Variants in TMED5 observed in about 807,000 individuals in gnomAD.
The protein encoded by TMED5 is transmembrane p24 trafficking protein 5.
Under a neutral mutation model 23.0 loss-of-function variants are expected in TMED5, and 27 were observed. The observed-to-expected ratio is 1.17, with a 90% CI of 0.86 to 1.62. TMED5 has a LOEUF of 1.62. TMED5 is among the 40% of genes most tolerant of loss of function. The probability of loss-of-function intolerance (pLI) is 0.00; values close to 1 mark genes in which losing one functional copy is unlikely to be tolerated. For missense variants in TMED5, 248 were observed against 273.7 expected (o/e 0.91, Z 0.66); for synonymous variants, 97 against 100.8 (o/e 0.96, Z 0.23).
At chr1:93,171,458 T>C (rs932737238) in intron 1 of TMED5, among the ~76,000 whole-genome samples, 2 of 152,156 alleles carry the variant, frequency 1.3e-5, no homozygotes, top group African/African-American at 4.8e-5. Flanking sequence ...ATTTGAAAAC[T>C]TAGATGAAAC....
At chr1:93,162,063 G>C (rs1208457978) in intron 1 of TMED5, 2 of 145,626 alleles carry the variant, frequency 1.4e-5, no homozygotes, top group Non-Finnish European at 3.0e-5. Context: ...ATTTTAAAAA[G>C]AATCTATTTG....
At chr1:93,165,099 A>G (rs1648446505) in intron 1 of TMED5, among the ~76,000 whole-genome samples, 1 of 152,216 alleles carries the variant, frequency 6.6e-6, no homozygotes, top group South Asian at 2.1e-4. Context: ...CCTGTCAACA[A>G]CCATGAGTGA....
rs542843485 is a variant in TMED5 at position 93,151,617 on chromosome 1, C to T, written c.*3053G>A. 1 of 152,216 alleles carries T rather than the reference C, an allele frequency of 6.6e-6. No homozygotes were observed. The highest frequency in any genetic ancestry group is 2.1e-4 in the South Asian group (1 of 4,816). The allele number at this position is 152,216 out of a possible 1,614,324, so 9.4% of individuals were successfully genotyped here. On this transcript the variant is annotated 3_prime_UTR_variant, in exon 4 of 4. Transcript: ENST00000370282. ...CAAACTTTAAGAACTGATTATCTTT[C>T]CTTTCATATATTTTGAGCAAAAACT...
At position 93,156,122 on chromosome 1, in the gene TMED5, T is replaced by C. The variant is rs746352700; in HGVS notation, c.471+178A>G. The C allele has an allele frequency of 3.3e-6, 4 of 1,208,634 alleles. No individual in the cohort carries two copies. In the African/African-American group the frequency reaches 6.2e-5, roughly 19 times the overall value. The allele number at this position is 1,208,634 out of a possible 1,614,324, so 74.9% of individuals were successfully genotyped here. On this transcript the variant is annotated intron_variant, in intron 3 of 3. Transcript: ENST00000370282. ...TTATTTGAAAACTATAAAAGGGCTA[T>C]ATTAATATAAAATAAAATTAAGCTG...
chr1:93,168,610 C>T (rs1358087006), intron 1 of TMED5, among the ~76,000 whole-genome samples: 17 of 151,776 alleles, frequency 1.1e-4, no homozygotes, highest in Admixed American at 7.2e-4. Context: ...CTGAGGCAGG[C>T]GGATCACGAG....
rs553552965 is a variant in TMED5 at position 93,152,908 on chromosome 1, T to C, written c.*1762A>G. 1 of 152,608 alleles carries C rather than the reference T, an allele frequency of 6.6e-6. No individual in the cohort carries two copies. Among genetic ancestry groups the C allele is most frequent in the Non-Finnish European group, 1.5e-5 (1 of 67,964 alleles). 9.5% of individuals were successfully genotyped at this position (152,608 alleles called of 1,614,324 possible). ...GCATTTTCTTGGCCAATTAAGGTAA[T>C]TGATCATATACGGCATTTACCTCAT... On this transcript the variant is annotated 3_prime_UTR_variant, in exon 4 of 4. Coordinates refer to ENST00000370282, the MANE Select transcript of TMED5 (RefSeq NM_016040.5).
intron 1 of TMED5, among the ~76,000 whole-genome samples, chr1:93,164,094 A>G (rs11807404): frequency 0.082 from 12,455 of 152,190 alleles, 1,662 homozygotes; most frequent in African/African-American, 0.28. Context: ...AAACATAGAC[A>G]TTAATTTTGA....
At position 93,151,098 on chromosome 1, in the gene TMED5, CCT is replaced by C. The variant is rs1398887919; in HGVS notation, c.*3570_*3571del. The C allele has an allele frequency of 2.6e-5, 4 of 152,242 alleles. No individual in the cohort carries two copies. The highest frequency in any genetic ancestry group is 4.4e-5 in the Non-Finnish European group (3 of 68,030). 9.4% of individuals were successfully genotyped at this position (152,242 alleles called of 1,614,324 possible). A position where few individuals can be genotyped will look rare whatever the true frequency, so the allele number is the denominator to read the frequency against. ...GATCCAGAGTCCATCTCCATTGTGCCCTGTCTTATGTAACATCATCCTAGCTC... is the reference window on the plus strand; with the variant it reads ...GATCCAGAGTCCATCTCCATTGTGCCGTCTTATGTAACATCATCCTAGCTC... On this transcript the variant is annotated 3_prime_UTR_variant, in exon 4 of 4. Coordinates refer to ENST00000370282, the MANE Select transcript of TMED5 (RefSeq NM_016040.5).
intron 1 of TMED5, among the ~76,000 whole-genome samples, chr1:93,169,083 C>T (rs1648607718): frequency 6.6e-6 from 1 of 152,150 alleles, no homozygotes; most frequent in Admixed American, 6.5e-5. Flanking sequence ...TGAACAGCAC[C>T]ATCAATCAAA....
intron 1 of TMED5, among the ~76,000 whole-genome samples, chr1:93,172,277 C>T (rs1648754940): frequency 6.6e-6 from 1 of 152,044 alleles, no homozygotes; most frequent in South Asian, 2.1e-4. Context: ...ATAAAACTGT[C>T]CTTGTGATAG....
intron 1 of TMED5, among the ~76,000 whole-genome samples, chr1:93,170,276 G>A (rs1161496112): frequency 1.3e-5 from 2 of 152,198 alleles, no homozygotes; most frequent in Non-Finnish European, 2.9e-5. Flanking sequence ...AGGGAGAGGC[G>A]CGGGTGGGAA....
chr1:93,163,286 G>A (rs944010581), intron 1 of TMED5: 1 of 150,608 alleles, frequency 6.6e-6, no homozygotes, highest in African/African-American at 2.4e-5. Context: ...CAGGCTTAAT[G>A]AAATTGTGAA....
chr1:93,178,090 C>T (rs1387265751), intron 1 of TMED5, among the ~76,000 whole-genome samples: 1 of 152,182 alleles, frequency 6.6e-6, no homozygotes, highest in Non-Finnish European at 1.5e-5. Flanking sequence ...ATTTTCCACA[C>T]TGCATCCAGT....
Position 93,154,794 on chromosome 1 carries a change from T to G in TMED5, c.566A>C (p.Glu189Ala). The G allele has an allele frequency of 6.2e-7, 1 of 1,614,152 alleles. No individual in the cohort carries two copies. The highest frequency in any genetic ancestry group is 8.5e-7 in the Non-Finnish European group (1 of 1,180,010). Residue 189 changes from glutamate (E) to alanine (A), a missense_variant, in exon 4 of 4, where the codon GAA becomes GCA. Physicochemically the swap from Glu to Ala is moderately radical, Grantham distance 107 (BLOSUM62 -1). Transcript: ENST00000370282. ...AFEARDRNIQ[E>A]SNFDRVNFWS... ...GAAATTGACTCTATCAAAGTTGCTT[T>G]CTTGTATGTTTCGATCACGAGCTTC...
intron 3 of TMED5, 185 bp downstream of exon 3, chr1:93,156,115 A>G: frequency 8.0e-7 from 1 of 1,247,370 alleles, no homozygotes; most frequent in Non-Finnish European, 1.1e-6. Context: ...AAACTATAAA[A>G]GGGCTATATT....
rs374675763 is a variant in TMED5 at position 93,151,950 on chromosome 1, T to A, written c.*2720A>T. 1 of 152,560 alleles carries A rather than the reference T, an allele frequency of 6.6e-6. No individual in the cohort carries two copies. Among genetic ancestry groups the A allele is most frequent in the African/African-American group, 2.4e-5 (1 of 41,528 alleles). 9.5% of individuals were successfully genotyped at this position (152,560 alleles called of 1,614,324 possible). On this transcript the variant is annotated 3_prime_UTR_variant, in exon 4 of 4. Coordinates refer to ENST00000370282, the MANE Select transcript of TMED5 (RefSeq NM_016040.5). Reference sequence around the variant, plus strand: ...TATAAAGCAGTTTGAGCAACACTGATTGTGCATTATTGTACTTCAGATGAA... The same window carrying A: ...TATAAAGCAGTTTGAGCAACACTGAATGTGCATTATTGTACTTCAGATGAA...
In TMED5 at chr1:93,153,495, A is replaced by G. The variant is rs1264477154; in HGVS notation, c.*1175T>C. 6.6e-6 allele frequency: 1 copy of G among 152,152 alleles called. No homozygotes were observed. The highest frequency in any genetic ancestry group is 1.5e-5 in the Non-Finnish European group (1 of 67,994). The allele number at this position is 152,152 out of a possible 1,614,324, so 9.4% of individuals were successfully genotyped here. On this transcript the variant is annotated 3_prime_UTR_variant, in exon 4 of 4. Transcript: ENST00000370282. ...TCAAACCAGAATTCTTGTAGAAAATAAAAACCTACAGCCAAAGTTTCTTCC... is the reference window on the plus strand; with the variant it reads ...TCAAACCAGAATTCTTGTAGAAAATGAAAACCTACAGCCAAAGTTTCTTCC...
Position 93,180,323 on chromosome 1 carries a change from G to A in TMED5, c.-81C>T. 6.9e-7 allele frequency: 1 copy of A among 1,449,760 alleles called. No homozygotes were observed. Among genetic ancestry groups the A allele is most frequent in the Non-Finnish European group, 9.2e-7 (1 of 1,084,874 alleles). 89.8% of individuals were successfully genotyped at this position (1,449,760 alleles called of 1,614,324 possible). On this transcript the variant is annotated 5_prime_UTR_variant, in exon 1 of 4. Coordinates refer to ENST00000370282, the MANE Select transcript of TMED5 (RefSeq NM_016040.5). ...CGCGTTTCCTCTCTGGACTCCTCGT[G>A]GTTGACAGGGAAATCTGGAGTCTGA... is the stretch of plus-strand genomic sequence containing the variant.
chr1:93,165,283 T>C (rs924357206), intron 1 of TMED5, among the ~76,000 whole-genome samples: 32 of 152,194 alleles, frequency 2.1e-4, no homozygotes, highest in Admixed American at 6.5e-5. Flanking sequence ...AGATAACTAA[T>C]GGATCTACAT....
Sources: gnomAD v4.1 joint callset for allele counts (sites outside exome capture counted in the v4.1 genomes callset) on GRCh38, gnomAD v4.1.1 for gene constraint, MANE v1.5 for transcripts, NCBI Gene and HGNC (gene_info 2026-07-23, HGNC 2026-07-21) for gene names.